CHCHD6: variants seen among roughly 807,000 people sequenced by gnomAD.
CHCHD6 encodes the protein MICOS complex subunit MIC25.
In CHCHD6, 28 loss-of-function variants were observed where a neutral mutation model predicts 32.3. The observed-to-expected ratio is 0.87, with a 90% confidence interval of 0.64 to 1.19. The LOEUF is 1.19. Among genes scored for constraint, CHCHD6 ranks in the 50% most tolerant of loss-of-function variants. The pLI, the probability that CHCHD6 is intolerant of heterozygous loss-of-function variation, is 0.00. For missense variants in CHCHD6, 333 were observed against 307.0 expected (o/e 1.08, Z -0.63); for synonymous variants, 122 against 117.5 (o/e 1.04, Z -0.25).
At chr3:126,833,514 G>C (rs932983068) in intron 4 of CHCHD6, among the ~76,000 whole-genome samples, 1 of 152,212 alleles carries the variant, frequency 6.6e-6, no homozygotes, top group Non-Finnish European at 1.5e-5. Flanking sequence ...CTTTGATGGA[G>C]ACCTACTGGG....
chr3:126,766,427 G>T, intron 4 of CHCHD6: 1 of 626,588 alleles, frequency 1.6e-6, no homozygotes, highest in Admixed American at 2.0e-5. Flanking sequence ...AGAAGTCTCT[G>T]GGAGCATCAA....
intron 1 of CHCHD6, among the ~76,000 whole-genome samples, chr3:126,715,900 A>G (rs1046795691): frequency 6.6e-6 from 1 of 152,212 alleles, no homozygotes; most frequent in African/African-American, 2.4e-5. Context: ...TATTCCGTCC[A>G]TTCCCTTTTC....
intron 5 of CHCHD6, 75 bp downstream of exon 5, chr3:126,852,805 G>A: frequency 9.9e-7 from 1 of 1,008,462 alleles, no homozygotes; most frequent in Non-Finnish European, 1.6e-6. Flanking sequence ...CACTGTCATG[G>A]GGGGAGAGAG....
intron 5 of CHCHD6, among the ~76,000 whole-genome samples, chr3:126,912,393 G>A (rs761849923): frequency 4.6e-5 from 7 of 152,164 alleles, no homozygotes; most frequent in South Asian, 4.1e-4. Flanking sequence ...GTAATCTCTC[G>A]TTTGAATGTG....
chr3:126,769,752 C>A (rs1374983600), intron 4 of CHCHD6, among the ~76,000 whole-genome samples: 2 of 152,154 alleles, frequency 1.3e-5, no homozygotes, highest in Non-Finnish European at 2.9e-5. Flanking sequence ...GTGATCCACC[C>A]AGCTTGGCCT....
rs555395471 is a variant in CHCHD6, at chr3:126,886,070, G to C, written c.496-28610G>C. Among the ~76,000 whole-genome samples, 22 of 152,324 alleles carry C rather than the reference G, an allele frequency of 1.4e-4. No individual in the cohort carries two copies. In the East Asian group the frequency reaches 3.9e-3, roughly 27 times the overall value. On this transcript the variant is annotated intron_variant, in intron 5 of 7. Transcript: ENST00000290913. ...ATGATGAGAGTCACAGATAGGGGAG[G>C]CTGCTAGATTGTAACAATTTCAGTA...
intron 5 of CHCHD6, among the ~76,000 whole-genome samples, chr3:126,890,302 T>A (rs2107577569): frequency 6.6e-6 from 1 of 152,332 alleles, no homozygotes; most frequent in African/African-American, 2.4e-5. Flanking sequence ...GGGTAGGGCC[T>A]GGAGCCAGCT....
intron 1 of CHCHD6, among the ~76,000 whole-genome samples, chr3:126,723,941 G>A (rs1433706835): frequency 6.6e-6 from 1 of 152,142 alleles, no homozygotes; most frequent in Non-Finnish European, 1.5e-5. Flanking sequence ...GAACTCTTAA[G>A]GATTTTTATC....
intron 5 of CHCHD6, among the ~76,000 whole-genome samples, chr3:126,872,542 C>T (rs2077489878): frequency 6.6e-6 from 1 of 152,098 alleles, no homozygotes; most frequent in Non-Finnish European, 1.5e-5. Flanking sequence ...TGGTTTAAGG[C>T]CCACCTTTGA....
intron 4 of CHCHD6, among the ~76,000 whole-genome samples, chr3:126,752,515 G>A (rs1936768986): frequency 6.6e-6 from 1 of 152,250 alleles, no homozygotes; most frequent in South Asian, 2.1e-4. Context: ...CTGAGGGCCT[G>A]TAACCTGGTA....
At chr3:126,947,808 G>C (rs1340899978) in intron 6 of CHCHD6, among the ~76,000 whole-genome samples, 1 of 152,188 alleles carries the variant, frequency 6.6e-6, no homozygotes. Context: ...CAGTGCAGAA[G>C]ACTTCCTGGG....
intron 6 of CHCHD6, among the ~76,000 whole-genome samples, chr3:126,939,388 A>G (rs2078527285): frequency 6.6e-6 from 1 of 152,248 alleles, no homozygotes; most frequent in South Asian, 2.1e-4. Flanking sequence ...ATCCCTGTAC[A>G]GTTGGTTATT....
intron 4 of CHCHD6, among the ~76,000 whole-genome samples, chr3:126,797,327 A>G (rs889406724): frequency 2.6e-5 from 4 of 152,206 alleles, no homozygotes; most frequent in Non-Finnish European, 1.5e-5. Context: ...AGACCTGCCT[A>G]AGACGGGGGA....
intron 4 of CHCHD6, among the ~76,000 whole-genome samples, chr3:126,779,320 C>T (rs1390938029): frequency 6.6e-6 from 1 of 151,926 alleles, no homozygotes; most frequent in Non-Finnish European, 1.5e-5. Flanking sequence ...AGGTGGATCA[C>T]GAGGTCAGGA....
chr3:126,745,336 G>A (rs1016734626), intron 4 of CHCHD6, among the ~76,000 whole-genome samples: 2 of 152,162 alleles, frequency 1.3e-5, no homozygotes, highest in African/African-American at 4.8e-5. Flanking sequence ...CTGTGACCCT[G>A]GACCCATTAT....
chr3:126,735,400 C>T (rs537271849), intron 4 of CHCHD6, among the ~76,000 whole-genome samples: 33 of 152,352 alleles, frequency 2.2e-4, no homozygotes, highest in Non-Finnish European at 3.7e-4. Flanking sequence ...GGAATAGTGA[C>T]ATAAGTTACT....
chr3:126,859,764 G>A (rs991596066), intron 5 of CHCHD6, among the ~76,000 whole-genome samples: 7 of 152,214 alleles, frequency 4.6e-5, no homozygotes, highest in Admixed American at 2.0e-4. Flanking sequence ...CCACTGCCAC[G>A]TGCTGCCTCC....
intron 5 of CHCHD6, among the ~76,000 whole-genome samples, chr3:126,864,562 C>T (rs1942164786): frequency 6.7e-6 from 1 of 149,904 alleles, no homozygotes; most frequent in Admixed American, 6.6e-5. Flanking sequence ...CCTCCTCCTC[C>T]TTCTCCACCA....
intron 5 of CHCHD6, among the ~76,000 whole-genome samples, chr3:126,910,927 G>C (rs184131964): frequency 6.6e-6 from 1 of 152,166 alleles, no homozygotes; most frequent in African/African-American, 2.4e-5. Context: ...TGACAAGGAC[G>C]GGGTGCACAG....
Sources: gnomAD v4.1 joint callset for allele counts (sites outside exome capture counted in the v4.1 genomes callset) on GRCh38, gnomAD v4.1.1 for gene constraint, MANE v1.5 for transcripts, NCBI Gene and HGNC (gene_info 2026-07-23, HGNC 2026-07-21) for gene names.